EXD2: variants seen among roughly 807,000 people sequenced by gnomAD.
EXD2 encodes the protein exonuclease 3'-5' domain containing 2, also known as exonuclease 3'-5' domain-containing protein 2.
In EXD2, 40 loss-of-function variants were observed where a neutral mutation model predicts 62.5. That is an observed-to-expected ratio of 0.64 (90% confidence interval 0.50 to 0.83). EXD2 has a LOEUF of 0.83. EXD2 is among the 40% of genes least tolerant of loss of function. The probability of loss-of-function intolerance (pLI) is 0.00; values close to 1 mark genes in which losing one functional copy is unlikely to be tolerated. For synonymous variants in EXD2, 239 were observed against 291.9 expected, an observed-to-expected ratio of 0.82 and a Z score of 1.85; for missense variants, 671 against 761.8, an observed-to-expected ratio of 0.88 and a Z score of 1.40.
chr14:69,196,318 C>T (rs556815629), intron 1 of EXD2: 1 of 152,334 alleles, frequency 6.6e-6, no homozygotes, highest in Non-Finnish European at 1.5e-5. Context: ...TTCACAGGTC[C>T]TGGGGGTTAG....
chr14:69,216,043 T>C (rs552795873), intron 3 of EXD2, among the ~76,000 whole-genome samples: 1 of 152,334 alleles, frequency 6.6e-6, no homozygotes, highest in South Asian at 2.1e-4. Context: ...ATTCTCCCCA[T>C]GTCATTTTCT....
intron 1 of EXD2, among the ~76,000 whole-genome samples, chr14:69,201,625 T>C (rs1230776699): frequency 6.6e-6 from 1 of 151,904 alleles, no homozygotes; most frequent in East Asian, 1.9e-4. Flanking sequence ...TTGCTCCTGT[T>C]TGAATGCCAG....
At chr14:69,206,708 C>G (rs569313679) in intron 2 of EXD2, among the ~76,000 whole-genome samples, 4 of 152,124 alleles carry the variant, frequency 2.6e-5, no homozygotes, top group Non-Finnish European at 5.9e-5. Flanking sequence ...TCTCAAACTC[C>G]TAGGCTCAAG....
intron 9 of EXD2, chr14:69,239,077 T>G (rs2043899173): frequency 6.6e-6 from 1 of 152,240 alleles, no homozygotes; most frequent in East Asian, 1.9e-4. Context: ...TCACCTGCAC[T>G]CCAGGGTATC....
At chr14:69,217,203 C>T (rs868713411) in intron 3 of EXD2, among the ~76,000 whole-genome samples, 1 of 152,160 alleles carries the variant, frequency 6.6e-6, no homozygotes, top group South Asian at 2.1e-4. Flanking sequence ...TAGGCACACA[C>T]TACCACAACT....
rs1242907989 is a variant in EXD2 at position 69,237,578 on chromosome 14, G to A, written c.1296G>A (p.Lys432=). Residue 432 remains lysine, a synonymous_variant, in exon 9 of 10, where the codon AAG becomes AAA. Coordinates refer to ENST00000685843, the MANE Select transcript of EXD2 (RefSeq NM_001193360.2). ...VCGKRDSYIR[K]NVIPHEYRKH... ...TTTCCGGCTGGGCTTGTTCCAGGAA[G>A]AACGTGATTCCACATGAGTACCGGA... The A allele has an allele frequency of 1.2e-6, 2 of 1,614,190 alleles. No homozygotes were observed. Among genetic ancestry groups the A allele is most frequent in the African/African-American group, 2.7e-5 (2 of 75,064 alleles).
At chr14:69,225,934 C>T (rs1425614403) in intron 3 of EXD2, among the ~76,000 whole-genome samples, 1 of 152,126 alleles carries the variant, frequency 6.6e-6, no homozygotes, top group Non-Finnish European at 1.5e-5. Flanking sequence ...TAAGCACAAT[C>T]CAGAAACATT....
At chr14:69,215,258 C>G (rs922650282) in intron 3 of EXD2, among the ~76,000 whole-genome samples, 1 of 151,778 alleles carries the variant, frequency 6.6e-6, no homozygotes, top group Non-Finnish European at 1.5e-5. Context: ...CCACTGCACT[C>G]CAGCCTGGGT....
chr14:69,192,556 C>G (rs1210585984), intron 1 of EXD2, among the ~76,000 whole-genome samples: 1 of 152,042 alleles, frequency 6.6e-6, no homozygotes, highest in Non-Finnish European at 1.5e-5. Context: ...GTGTGGAAGA[C>G]AGATCCTCTT....
At chr14:69,220,934 A>G (rs1360604447) in intron 3 of EXD2, among the ~76,000 whole-genome samples, 1 of 152,154 alleles carries the variant, frequency 6.6e-6, no homozygotes, top group Non-Finnish European at 1.5e-5. Context: ...TGTCTCAGTC[A>G]TAGCTCACTG....
At chr14:69,225,190 A>G (rs916619199) in intron 3 of EXD2, among the ~76,000 whole-genome samples, 1 of 152,194 alleles carries the variant, frequency 6.6e-6, no homozygotes, top group Non-Finnish European at 1.5e-5. Context: ...ACTGATACAT[A>G]AACTCCACAG....
At chr14:69,224,393 A>G (rs1191333457) in intron 3 of EXD2, 2 of 152,208 alleles carry the variant, frequency 1.3e-5, no homozygotes. Context: ...TAAGAACTCC[A>G]TCTCATGATC....
intron 5 of EXD2, among the ~76,000 whole-genome samples, chr14:69,234,250 T>C (rs376142308): frequency 2.6e-5 from 4 of 152,198 alleles, no homozygotes; most frequent in African/African-American, 9.7e-5. Context: ...TCATTTCTGA[T>C]TGACAGTCAC....
chr14:69,241,861 T>C lies in EXD2; in HGVS notation c.*761T>C. 2 of 399,106 alleles carry C rather than the reference T, an allele frequency of 5.0e-6. No individual in the cohort carries two copies. Among genetic ancestry groups the C allele is most frequent in the East Asian group, 7.1e-5 (2 of 28,076 alleles). The allele number at this position is 399,106 out of a possible 1,614,324, so 24.7% of individuals were successfully genotyped here. A position where few individuals can be genotyped will look rare whatever the true frequency, so the allele number is the denominator to read the frequency against. ...ATTCACTCAGCTTTTCCTTTCATGC[T>C]GTTTGTTGCCTGCTTGTTGCACTCC... is the stretch of plus-strand genomic sequence containing the variant. On this transcript the variant is annotated 3_prime_UTR_variant, in exon 10 of 10. Coordinates refer to ENST00000685843, the MANE Select transcript of EXD2 (RefSeq NM_001193360.2).
chr14:69,222,051 G>T (rs886818953), intron 3 of EXD2, among the ~76,000 whole-genome samples: 1 of 150,486 alleles, frequency 6.6e-6, no homozygotes, highest in Non-Finnish European at 1.5e-5. Context: ...TCGTGCCATT[G>T]CACTCCACCT....
At chr14:69,205,722 T>C (rs1220512195) in intron 2 of EXD2, among the ~76,000 whole-genome samples, 1 of 151,974 alleles carries the variant, frequency 6.6e-6, no homozygotes, top group African/African-American at 2.4e-5. Context: ...GTATGTTTCC[T>C]ATGTGGGGTG....
intron 4 of EXD2, among the ~76,000 whole-genome samples, 167 bp from the exon 5 acceptor site, chr14:69,230,305 G>A (rs1294507303): frequency 6.6e-6 from 1 of 152,092 alleles, no homozygotes; most frequent in Non-Finnish European, 1.5e-5. Context: ...ACTACAGAAA[G>A]GATTTATAAA....
Position 69,243,890 on chromosome 14 carries a change from T to G in EXD2, c.*2790T>G, listed in dbSNP as rs2044042178. The G allele has an allele frequency of 6.6e-6, 1 of 152,222 alleles. No homozygotes were observed. The highest frequency in any genetic ancestry group is 2.4e-5 in the African/African-American group (1 of 41,450). The allele number at this position is 152,222 out of a possible 1,614,324, so 9.4% of individuals were successfully genotyped here. Reference sequence around the variant, plus strand: ...TGTTTGCAGGTTCAGCATTTCTTCTTGAGTCCTTCCCTTCTTCCAACCTTA... The same window carrying G: ...TGTTTGCAGGTTCAGCATTTCTTCTGGAGTCCTTCCCTTCTTCCAACCTTA... On this transcript the variant is annotated 3_prime_UTR_variant, in exon 10 of 10. Coordinates refer to ENST00000685843, the MANE Select transcript of EXD2 (RefSeq NM_001193360.2).
intron 1 of EXD2, among the ~76,000 whole-genome samples, chr14:69,201,583 C>T (rs1046932390): frequency 2.6e-5 from 4 of 151,966 alleles, no homozygotes; most frequent in Non-Finnish European, 5.9e-5. Flanking sequence ...GCAGTGCCCT[C>T]CTCCTGTCTG....
Sources: allele counts gnomAD v4.1 joint callset (sites outside exome capture counted in the v4.1 genomes callset), GRCh38; gene constraint gnomAD v4.1.1; transcripts MANE v1.5; gene names NCBI Gene and HGNC (gene_info 2026-07-23, HGNC 2026-07-21).